Variants in TSPAN32 observed in about 807,000 individuals in gnomAD.
TSPAN32 encodes tetraspanin-32.
A neutral mutation model predicts 42.7 loss-of-function variants in TSPAN32; 47 were observed. That is an observed-to-expected ratio of 1.10 (90% CI 0.87 to 1.40). The LOEUF is 1.40. Among genes scored for constraint, TSPAN32 ranks in the 40% most tolerant of loss-of-function variants. The probability of loss-of-function intolerance (pLI) is 0.00; values close to 1 mark genes in which losing one functional copy is unlikely to be tolerated. For missense variants in TSPAN32, 469 were observed against 424.1 expected (o/e 1.11, Z -0.93); for synonymous variants, 175 against 175.9 (o/e 0.99, Z 0.04).
At chr11:2,305,567 C>A (rs772892491) in intron 3 of TSPAN32, among the ~76,000 whole-genome samples, 1 of 152,226 alleles carries the variant, frequency 6.6e-6, no homozygotes, top group Non-Finnish European at 1.5e-5. Context: ...GCCGCTGGGC[C>A]ACGGGGCTCC....
At chr11:2,308,928 G>T (rs1250193090) in intron 4 of TSPAN32, 118 bp downstream of exon 4, 3 of 711,198 alleles carry the variant, frequency 4.2e-6, no homozygotes, top group African/African-American at 3.6e-5. Flanking sequence ...TGTGCTGACC[G>T]GGTGGGGTGG....
Position 2,303,002 on chromosome 11 carries a change from T to G in TSPAN32, c.181+44T>G, listed in dbSNP as rs761225342. 1.2e-5 allele frequency: 18 copies of G among 1,557,520 alleles called. No individual in the cohort carries two copies. The South Asian group carries it at 1.8e-4, about 16-fold the overall frequency. On this transcript the variant is annotated intron_variant, in intron 2 of 9. Coordinates refer to ENST00000182290, the MANE Select transcript of TSPAN32 (RefSeq NM_139022.3). Reference sequence around the variant, plus strand: ...TGGCTGCATCGGGAGGGGCCTCGGGTGCAAGGGTGGCTGGCACGAGCCCAG... The same window carrying G: ...TGGCTGCATCGGGAGGGGCCTCGGGGGCAAGGGTGGCTGGCACGAGCCCAG...
chr11:2,305,375 C>A (rs575039990), intron 3 of TSPAN32, among the ~76,000 whole-genome samples: 3 of 149,500 alleles, frequency 2.0e-5, no homozygotes, highest in Non-Finnish European at 4.5e-5. Flanking sequence ...AGTCTGCCCC[C>A]CCCCCCAGAG....
chr11:2,314,411 G>A, intron 5 of TSPAN32, 74 bp from the exon 6 acceptor site: 1 of 1,247,968 alleles, frequency 8.0e-7, no homozygotes, highest in South Asian at 1.3e-5. Context: ...TGGTGCCTCA[G>A]TTTCCCCATA....
At position 2,304,149 on chromosome 11, in the gene TSPAN32, G is replaced by T; in HGVS notation, c.224G>T (p.Gly75Val). ...AGCCTGGTGGGCCTCCTGACTCTGG[G>T]AGCCGTGCTGAGCGCTGCAGCCACC... Reference protein sequence around the residue: ...GLSLVGLLTLGAVLSAAATVR... With the variant: ...GLSLVGLLTLVAVLSAAATVR... Residue 75 changes from glycine to valine, a missense_variant, in exon 3 of 10, where the codon GGA becomes GTA. By Grantham distance (109) the Gly-to-Val change is moderately radical. Transcript: ENST00000182290. The surrounding 1 kb of genome is among the most constrained non-coding windows in gnomAD (Gnocchi z 4.8). 1 of 1,589,140 alleles carries T rather than the reference G, an allele frequency of 6.3e-7. No individual in the cohort carries two copies. Among genetic ancestry groups the T allele is most frequent in the East Asian group, 2.3e-5 (1 of 43,698 alleles).
intron 3 of TSPAN32, among the ~76,000 whole-genome samples, chr11:2,307,765 G>A (rs1404036475): frequency 2.6e-5 from 4 of 152,124 alleles, no homozygotes; most frequent in Non-Finnish European, 4.4e-5. Context: ...CCCACTCCAC[G>A]ACTAGGGGCA....
At position 2,302,104 on chromosome 11, in the gene TSPAN32, A is replaced by C; in HGVS notation, c.-46A>C. On this transcript the variant is annotated 5_prime_UTR_variant, in exon 1 of 10. Transcript: ENST00000182290. ...TGAGGCCCCTGCCCAGCTGGAAACC[A>C]CAGGGAGGGGAAGGGAGGGGAGGAG... The C allele has an allele frequency of 2.0e-6, 3 of 1,484,750 alleles. No individual in the cohort carries two copies. The highest frequency in any genetic ancestry group is 2.7e-6 in the Non-Finnish European group (3 of 1,118,658). 92.0% of individuals were successfully genotyped at this position (1,484,750 alleles called of 1,614,324 possible).
At chr11:2,306,392 T>C (rs893954185) in intron 3 of TSPAN32, among the ~76,000 whole-genome samples, 2 of 152,068 alleles carry the variant, frequency 1.3e-5, no homozygotes, top group African/African-American at 4.8e-5. Flanking sequence ...CTTATGTATC[T>C]ATTTATTTAT....
At position 2,302,287 on chromosome 11, in the gene TSPAN32, C is replaced by T. The variant is rs530261831; in HGVS notation, c.66+72C>T. On this transcript the variant is annotated intron_variant, in intron 1 of 9. Coordinates refer to ENST00000182290, the MANE Select transcript of TSPAN32 (RefSeq NM_139022.3). ...GGGGTGAGGGGTGGCAGGGCCTCAG[C>T]ACAGGGATTATCCCTCCCCTGACAC... The T allele has an allele frequency of 2.1e-4, 271 of 1,320,580 alleles. 1 individual carries two copies. The African/African-American group carries it at 3.6e-3, about 17-fold the overall frequency. 81.8% of individuals were successfully genotyped at this position (1,320,580 alleles called of 1,614,324 possible). A position where few individuals can be genotyped will look rare whatever the true frequency, so the allele number is the denominator to read the frequency against.
chr11:2,317,523 G>A lies in TSPAN32; in HGVS notation c.899G>A (p.Arg300Lys), dbSNP rs1042420271. The change falls in exon 9 of 10, where the codon AGA (arginine) becomes AAA (lysine). Residue 300 changes from arginine (R) to lysine (K), a missense_variant and splice_region_variant. Physicochemically the swap from Arg to Lys is conservative, Grantham distance 26. Transcript: ENST00000182290. This position sits in a 1 kb window ranked among gnomAD's most constrained non-coding sequence, Gnocchi z 6.2. Reference protein sequence around the residue: ...LPLSCHLAAHRALQGRSRGGL... With the variant: ...LPLSCHLAAHKALQGRSRGGL... The stretch of plus-strand genomic sequence containing the variant: ...CTCTCCTGCCACCTGGCTGCCCACA[G>A]AGGTGAAGACGCCCCTGCTGTCAGC... The A allele has an allele frequency of 3.2e-6, 5 of 1,577,904 alleles. No individual in the cohort carries two copies. Among genetic ancestry groups the A allele is most frequent in the Non-Finnish European group, 4.3e-6 (5 of 1,164,536 alleles).
chr11:2,309,129 A>T (rs1848311873), intron 4 of TSPAN32, among the ~76,000 whole-genome samples: 1 of 151,608 alleles, frequency 6.6e-6, no homozygotes, highest in South Asian at 2.1e-4. Context: ...TGAGGGAGGG[A>T]ATGAGGAGGA....
intron 3 of TSPAN32, among the ~76,000 whole-genome samples, chr11:2,307,465 G>A (rs1204145418): frequency 1.3e-5 from 2 of 152,118 alleles, no homozygotes; most frequent in African/African-American, 2.4e-5. Flanking sequence ...GAGCTGCCCG[G>A]TCGGTGGCTA....
intron 5 of TSPAN32, among the ~76,000 whole-genome samples, chr11:2,314,243 G>A (rs1396353413): frequency 1.3e-5 from 2 of 152,106 alleles, no homozygotes; most frequent in Non-Finnish European, 2.9e-5. Flanking sequence ...AAGCTGCCTG[G>A]CTCCAGCAGG....
At chr11:2,305,493 G>C (rs1473830798) in intron 3 of TSPAN32, among the ~76,000 whole-genome samples, 1 of 152,228 alleles carries the variant, frequency 6.6e-6, no homozygotes, top group Non-Finnish European at 1.5e-5. Flanking sequence ...CAGCGCTGGG[G>C]CTGCAGTACC....
rs909121057 is a variant in TSPAN32 at position 2,317,723 on chromosome 11, G to GCAT, written c.902-139_902-138insATC. ...AAAGGAAACCACACTGGAGGCAGCAGCCCAGGGCAGACTGCAAGACACTGG... is the reference window on the plus strand; with the variant it reads ...AAAGGAAACCACACTGGAGGCAGCAGCATCCCAGGGCAGACTGCAAGACACTGG... On this transcript the variant is annotated intron_variant, in intron 9 of 9. Transcript: ENST00000182290. This position sits in a 1 kb window ranked among gnomAD's most constrained non-coding sequence, Gnocchi z 6.2. 2.6e-6 allele frequency: 4 copies of GCAT among 1,510,648 alleles called. No individual in the cohort carries two copies. The African/African-American group carries it at 5.6e-5, about 21-fold the overall frequency. The allele number at this position is 1,510,648 out of a possible 1,614,324, so 93.6% of individuals were successfully genotyped here.
rs1848768326 is a variant in TSPAN32, at chr11:2,316,055, C to T, written c.544-174C>T. Reference sequence around the variant, plus strand: ...CCTGTCCCACTGGGCTTCACCTGCTCGTGCTGCCTTTCCCTAGAGCCCTGG... The same window carrying T: ...CCTGTCCCACTGGGCTTCACCTGCTTGTGCTGCCTTTCCCTAGAGCCCTGG... On this transcript the variant is annotated intron_variant, in intron 6 of 9. Coordinates refer to ENST00000182290, the MANE Select transcript of TSPAN32 (RefSeq NM_139022.3). 7.2e-6 allele frequency: 11 copies of T among 1,534,092 alleles called. 1 individual carries two copies. Among genetic ancestry groups the T allele is most frequent in the East Asian group, 4.9e-5 (2 of 40,892 alleles).
chr11:2,311,441 T>G (rs558524797), intron 4 of TSPAN32, among the ~76,000 whole-genome samples: 77 of 152,296 alleles, frequency 5.1e-4, no homozygotes, highest in African/African-American at 1.8e-3. Context: ...CTGACGAGTC[T>G]GCTTCGGGAA....
At position 2,302,954 on chromosome 11, in the gene TSPAN32, A is replaced by C; in HGVS notation, c.177A>C (p.Gln59His). Residue 59 changes from glutamine (Q) to histidine (H), a missense_variant, in exon 2 of 10, where the codon CAA becomes CAC. Physicochemically the swap from Gln to His is conservative, Grantham distance 24 (BLOSUM62 0). Transcript: ENST00000182290. ...LEKNPYQAVHQWAFSAGLSLV... is the reference protein window; with the variant it reads ...LEKNPYQAVHHWAFSAGLSLV... ...AGAACCCGTACCAGGCTGTGCACCA[A>C]TGGGGTAAGTGAGGTCCAGGCCTGG... is the stretch of plus-strand genomic sequence containing the variant. 6.2e-7 allele frequency: 1 copy of C among 1,613,072 alleles called. No homozygotes were observed. Among genetic ancestry groups the C allele is most frequent in the South Asian group, 1.1e-5 (1 of 91,072 alleles).
At chr11:2,308,022 ACT>A (rs1848215766) in intron 3 of TSPAN32, among the ~76,000 whole-genome samples, 1 of 151,948 alleles carries the variant, frequency 6.6e-6, no homozygotes, top group Admixed American at 6.6e-5. Context: ...CTCAGGGGAG[ACT>A]CTGCCCGGCC....
Sources: allele counts gnomAD v4.1 joint callset (sites outside exome capture counted in the v4.1 genomes callset), GRCh38; gene constraint gnomAD v4.1.1; non-coding constraint Gnocchi (gnomAD v3.1); transcripts MANE v1.5; gene names NCBI Gene and HGNC (gene_info 2026-07-23, HGNC 2026-07-21).